The following SPOCK3 variants were observed in gnomAD, a reference collection of about 807,000 sequenced individuals.
The protein encoded by SPOCK3 is testican-3.
Under a neutral mutation model 56.6 loss-of-function variants are expected in SPOCK3, and 30 were observed. The observed-to-expected ratio is 0.53, with a 90% CI of 0.40 to 0.72. The LOEUF (loss-of-function observed/expected upper bound fraction) is 0.72. Ranked by LOEUF, SPOCK3 falls within the 30% of genes least tolerant of loss-of-function variation. The pLI is 0.00. For synonymous variants in SPOCK3, 196 were observed against 183.3 expected, an observed-to-expected ratio of 1.07 and a Z score of -0.56; for missense variants, 527 against 530.0, an observed-to-expected ratio of 0.99 and a Z score of 0.06.
At chr4:167,037,087 T>C (rs556014800) in intron 3 of SPOCK3, among the ~76,000 whole-genome samples, 1 of 152,288 alleles carries the variant, frequency 6.6e-6, no homozygotes, top group Admixed American at 6.5e-5. Context: ...TTTGAGACCA[T>C]TGCTGCTCAG....
intron 4 of SPOCK3, among the ~76,000 whole-genome samples, chr4:166,961,252 A>C (rs1744118430): frequency 1.4e-5 from 2 of 146,930 alleles, no homozygotes; most frequent in African/African-American, 5.3e-5. Flanking sequence ...CACGAAATTA[A>C]AAAAAAAAAC....
chr4:166,849,841 T>C (rs1748493542), intron 6 of SPOCK3, among the ~76,000 whole-genome samples: 1 of 152,188 alleles, frequency 6.6e-6, no homozygotes. Context: ...GGAATCATAG[T>C]ACCTATCTTT....
chr4:166,937,348 G>A (rs1462527038), intron 4 of SPOCK3, among the ~76,000 whole-genome samples: 1 of 150,810 alleles, frequency 6.6e-6, no homozygotes, highest in African/African-American at 2.4e-5. Flanking sequence ...TATGAATGAT[G>A]TGTAAGGTGT....
chr4:166,736,865 A>C (rs911901992), intron 10 of SPOCK3, among the ~76,000 whole-genome samples: 1 of 152,138 alleles, frequency 6.6e-6, no homozygotes, highest in African/African-American at 2.4e-5. Flanking sequence ...TGTTATGCTC[A>C]ACTAAGCGTT....
chr4:167,211,612 G>T (rs1734881647), intron 2 of SPOCK3, among the ~76,000 whole-genome samples: 1 of 152,072 alleles, frequency 6.6e-6, no homozygotes, highest in Admixed American at 6.6e-5. Flanking sequence ...TTTTAAAAAG[G>T]GAAGTTTCCA....
chr4:167,092,471 G>A (rs74537874), intron 2 of SPOCK3, among the ~76,000 whole-genome samples: 241 of 152,098 alleles, frequency 1.6e-3, no homozygotes, highest in Non-Finnish European at 2.9e-3. Flanking sequence ...CTGAATTATT[G>A]CATTGATCTG....
rs558809742 is a variant in SPOCK3 at position 167,225,156 on chromosome 4, GATTATT to G, written c.189+8823_189+8828del. 9.4e-3 allele frequency among the ~76,000 whole-genome samples: 1,430 copies of G among 152,144 alleles called. 15 individuals carry two copies. The highest frequency in any genetic ancestry group is 0.013 in the Non-Finnish European group (897 of 67,996). ...GAAGAATCTACCTCACACAGATTAAGATTATTATTATTTATTCAACATGATGCTTTT... is the reference window on the plus strand; with the variant it reads ...GAAGAATCTACCTCACACAGATTAAGATTATTTATTCAACATGATGCTTTT... On this transcript the variant is annotated intron_variant, in intron 2 of 10. Transcript: ENST00000357545.
intron 6 of SPOCK3, among the ~76,000 whole-genome samples, chr4:166,858,928 C>T (rs967624443): frequency 6.6e-6 from 1 of 152,150 alleles, no homozygotes; most frequent in Non-Finnish European, 1.5e-5. Context: ...TTTCAGTCAA[C>T]AGCTGGCTGC....
chr4:166,843,694 T>G (rs1747752924), intron 6 of SPOCK3, among the ~76,000 whole-genome samples: 1 of 152,186 alleles, frequency 6.6e-6, no homozygotes, highest in Non-Finnish European at 1.5e-5. Flanking sequence ...CAGTTGGCTC[T>G]GAATCTACAG....
At chr4:167,030,749 C>G (rs983991610) in intron 3 of SPOCK3, among the ~76,000 whole-genome samples, 5 of 152,034 alleles carry the variant, frequency 3.3e-5, no homozygotes, top group Non-Finnish European at 7.4e-5. Context: ...AATTCTTGCA[C>G]TTAACCCCCA....
intron 2 of SPOCK3, among the ~76,000 whole-genome samples, chr4:167,229,110 A>G (rs1396378520): frequency 2.6e-5 from 4 of 152,214 alleles, no homozygotes; most frequent in African/African-American, 9.6e-5. Context: ...TCATAGTGAG[A>G]AACACTGAAA....
At position 166,919,718 on chromosome 4, in the gene SPOCK3, T is replaced by C. The variant is rs143792243; in HGVS notation, c.351-6975A>G. Among the ~76,000 whole-genome samples the C allele has an allele frequency of 2.7e-3, 411 of 152,290 alleles. 1 individual carries two copies. Among genetic ancestry groups the C allele is most frequent in the African/African-American group, 9.7e-3 (402 of 41,558 alleles). The stretch of plus-strand genomic sequence containing the variant: ...TATAAAGAGTCATTACCAGGAGTTA[T>C]AATGGACAAGAAATCTTTATAAACC... On this transcript the variant is annotated intron_variant, in intron 4 of 10. Transcript: ENST00000357545.
chr4:166,967,202 C>G (rs1744831925), intron 4 of SPOCK3, among the ~76,000 whole-genome samples: 1 of 152,200 alleles, frequency 6.6e-6, no homozygotes, highest in Non-Finnish European at 1.5e-5. Flanking sequence ...GGTTCATCTT[C>G]TGGGTTCTAC....
chr4:166,917,993 A>C (rs1358895732), intron 4 of SPOCK3, among the ~76,000 whole-genome samples: 1 of 152,136 alleles, frequency 6.6e-6, no homozygotes, highest in Non-Finnish European at 1.5e-5. Context: ...TTTCTTCTGC[A>C]CTCAATACAC....
At chr4:167,004,536 T>G (rs1285241487) in intron 3 of SPOCK3, among the ~76,000 whole-genome samples, 1 of 151,982 alleles carries the variant, frequency 6.6e-6, no homozygotes, top group Admixed American at 6.6e-5. Flanking sequence ...GCATGATTAT[T>G]TATTGCAGAA....
At chr4:166,820,217 C>T (rs866613550) in intron 6 of SPOCK3, among the ~76,000 whole-genome samples, 17 of 152,026 alleles carry the variant, frequency 1.1e-4, no homozygotes, top group Middle Eastern at 3.4e-3. Context: ...TATATGTTCT[C>T]ATCACAAAAA....
At chr4:166,886,317 T>A (rs532815757) in intron 6 of SPOCK3, among the ~76,000 whole-genome samples, 1 of 152,182 alleles carries the variant, frequency 6.6e-6, no homozygotes, top group Admixed American at 6.5e-5. Context: ...AAGGAGGGAA[T>A]CCATTAAAGG....
At chr4:166,812,064 T>G (rs577039826) in intron 6 of SPOCK3, among the ~76,000 whole-genome samples, 1 of 151,948 alleles carries the variant, frequency 6.6e-6, no homozygotes, top group East Asian at 1.9e-4. Context: ...TCTAGAAATG[T>G]TCACTTTCAA....
chr4:166,947,246 T>A (rs2150027457), intron 4 of SPOCK3, among the ~76,000 whole-genome samples: 1 of 152,272 alleles, frequency 6.6e-6, no homozygotes, highest in African/African-American at 2.4e-5. Flanking sequence ...CCATGCTTTG[T>A]TCTAACTTTT....
Sources: gnomAD v4.1 joint callset for allele counts (sites outside exome capture counted in the v4.1 genomes callset) on GRCh38, gnomAD v4.1.1 for gene constraint, MANE v1.5 for transcripts, NCBI Gene and HGNC (gene_info 2026-07-23, HGNC 2026-07-21) for gene names.